Variants in CFAP47 observed in about 807,000 individuals in gnomAD.
The protein encoded by CFAP47 is cilia and flagella associated protein 47, also known as cilia- and flagella-associated protein 47.
A neutral mutation model predicts 148.1 loss-of-function variants in CFAP47; 29 were observed. That is an observed-to-expected ratio of 0.20 (90% confidence interval 0.15 to 0.27). CFAP47 has a LOEUF of 0.27. Among genes scored for constraint, CFAP47 ranks in the 10% least tolerant of loss-of-function variants. The pLI is 1.00. For missense variants in CFAP47, 1,872 were observed against 1,697.5 expected (o/e 1.10, Z -1.81); for synonymous variants, 664 against 577.3 (o/e 1.15, Z -2.15).
chrX:36,166,946 ACCCTTCTGTTAAATT>A (rs745572959), intron 39 of CFAP47, among the ~76,000 whole-genome samples: 2 of 111,447 alleles, frequency 1.8e-5, no homozygotes, highest in South Asian at 7.6e-4. Flanking sequence ...TCCTGACCAC[ACCCTTCTGTTAAATT>A]CCCTGCGTGG....
Position 36,013,083 on chromosome X carries a change from C to T in CFAP47, c.3418-1691C>T, listed in dbSNP as rs987969823. ...CCTGACAGTTTTTATGTGTTTTTCA[C>T]GTTTCTGTGGGGCCATGGACATTTG... On this transcript the variant is annotated intron_variant, in intron 21 of 63. Coordinates refer to ENST00000378653, the MANE Select transcript of CFAP47 (RefSeq NM_001304548.2). 9.0e-5 allele frequency among the ~76,000 whole-genome samples: 10 copies of T among 110,546 alleles called. No individual in the cohort carries two copies. The South Asian group carries it at 1.1e-3, about 13-fold the overall frequency.
chrX:36,253,744 G>T (rs1555998551), intron 49 of CFAP47, among the ~76,000 whole-genome samples: 1 of 111,680 alleles, frequency 9.0e-6, no homozygotes, highest in African/African-American at 3.3e-5. Flanking sequence ...TTGAAATATT[G>T]TAACAACTGA....
Position 36,188,629 on chromosome X carries a change from G to A in CFAP47, c.6114G>A (p.Met2038Ile), listed in dbSNP as rs1223238672. 8 of 295,685 alleles carry A rather than the reference G, an allele frequency of 2.7e-5. No individual in the cohort carries two copies. The highest frequency in any genetic ancestry group is 2.4e-4 in the East Asian group (5 of 20,952). 24.4% of individuals were successfully genotyped at this position (295,685 alleles called of 1,213,427 possible). ...TATTTTCTTGTGTCAGTGATGATAT[G>A]AGTAGCAGTGGGAGTGACACTGATC... ...SRQYPKHDDD[M>I]SSSGSDTDQG... is the part of the protein sequence containing the mutation. The change falls in exon 41 of 64, where the codon ATG becomes ATA. Residue 2038 changes from methionine (M) to isoleucine (I), a missense_variant. Coordinates refer to ENST00000378653, the MANE Select transcript of CFAP47 (RefSeq NM_001304548.2).
chrX:36,317,418 C>A (rs1192766473), intron 56 of CFAP47, among the ~76,000 whole-genome samples: 3 of 103,263 alleles, frequency 2.9e-5, no homozygotes, highest in African/African-American at 1.1e-4. Flanking sequence ...TTTTTTTTTT[C>A]TTTCTTTTTG....
intron 6 of CFAP47, 90 bp from the exon 7 acceptor site, chrX:35,953,502 G>T: frequency 2.9e-6 from 2 of 678,982 alleles, no homozygotes; most frequent in Non-Finnish European, 4.3e-6. Context: ...TGCTTGCATA[G>T]ATTTAAAGAT....
intron 55 of CFAP47, among the ~76,000 whole-genome samples, chrX:36,307,343 C>T (rs1205213007): frequency 9.0e-6 from 1 of 111,314 alleles, no homozygotes; most frequent in Non-Finnish European, 1.9e-5. Flanking sequence ...CCATATCATT[C>T]TAAGAATTAT....
At chrX:36,378,407 G>A (rs782740706) in intron 62 of CFAP47, among the ~76,000 whole-genome samples, 3 of 111,874 alleles carry the variant, frequency 2.7e-5, no homozygotes, top group South Asian at 3.7e-4. Context: ...GAATAGAAAC[G>A]GAAACAAAAG....
chrX:36,287,652 A>T (rs1941148029), intron 51 of CFAP47, among the ~76,000 whole-genome samples: 1 of 111,450 alleles, frequency 9.0e-6, no homozygotes, highest in Non-Finnish European at 1.9e-5. Context: ...AAATGTTCAC[A>T]TTTAACTGTG....
chrX:36,263,505 CT>C (rs1189154900), intron 49 of CFAP47, among the ~76,000 whole-genome samples: 1 of 112,029 alleles, frequency 8.9e-6, no homozygotes, highest in Non-Finnish European at 1.9e-5. Context: ...ATTTGCTTAC[CT>C]TCCCTTTAAG....
chrX:35,923,849 GTGTA>G (rs1158768663), intron 1 of CFAP47, among the ~76,000 whole-genome samples: 1 of 98,975 alleles, frequency 1.0e-5, no homozygotes. Flanking sequence ...ATATATATGT[GTGTA>G]TATATATATG....
At chrX:35,980,165 TCTC>T (rs1229980213) in intron 15 of CFAP47, among the ~76,000 whole-genome samples, 2 of 112,009 alleles carry the variant, frequency 1.8e-5, no homozygotes, top group South Asian at 3.7e-4. Flanking sequence ...GGCCCAGTGT[TCTC>T]CTGTGTTTTT....
At chrX:36,353,971 CTTTG>C (rs1335561452) in intron 60 of CFAP47, among the ~76,000 whole-genome samples, 6 of 111,740 alleles carry the variant, frequency 5.4e-5, no homozygotes, top group African/African-American at 1.9e-4. Context: ...CTTCCCTCAA[CTTTG>C]TTTTTTTCTT....
chrX:36,241,777 G>T (rs1940547652), intron 48 of CFAP47, among the ~76,000 whole-genome samples: 1 of 111,973 alleles, frequency 8.9e-6, no homozygotes, highest in Admixed American at 9.4e-5. Context: ...TCCTTTCTCT[G>T]CAAGGCCAGT....
chrX:35,940,239 G>T (rs1010007136), intron 2 of CFAP47, among the ~76,000 whole-genome samples: 1 of 111,037 alleles, frequency 9.0e-6, no homozygotes, highest in Non-Finnish European at 1.9e-5. Context: ...CTCCCATTTT[G>T]TAGGTTGCCT....
chrX:36,340,443 C>G (rs1199791746), intron 57 of CFAP47, among the ~76,000 whole-genome samples: 3 of 111,735 alleles, frequency 2.7e-5, no homozygotes, highest in Non-Finnish European at 5.6e-5. Context: ...TCTCACAGTT[C>G]TAGAGGCTAC....
At chrX:36,181,740 C>G (rs1215323546) in intron 40 of CFAP47, among the ~76,000 whole-genome samples, 5 of 111,739 alleles carry the variant, frequency 4.5e-5, no homozygotes, top group Non-Finnish European at 7.5e-5. Context: ...TAACTCAGAG[C>G]CATACATTTA....
intron 56 of CFAP47, among the ~76,000 whole-genome samples, chrX:36,311,683 A>T (rs999631490): frequency 9.0e-6 from 1 of 111,218 alleles, no homozygotes; most frequent in Non-Finnish European, 1.9e-5. Context: ...CTTACTCTCC[A>T]GAATGTTTAT....
Position 36,146,783 on chromosome X carries a change from T to C in CFAP47, c.5670+1430T>C, listed in dbSNP as rs767185013. Among the ~76,000 whole-genome samples the C allele has an allele frequency of 2.8e-3, 297 of 105,141 alleles. 1 individual carries two copies. The highest frequency in any genetic ancestry group is 0.011 in the South Asian group (25 of 2,341). The allele number at this position is 105,141 out of a possible 115,157, so 91.3% of individuals were successfully genotyped here. ...ATTGAGAAAGTATTTCTTTTCTTTT[T>C]TTTTTTTTTTTTTTGAGACGGAGTT... is the stretch of plus-strand genomic sequence containing the variant. On this transcript the variant is annotated intron_variant, in intron 36 of 63. Coordinates refer to ENST00000378653, the MANE Select transcript of CFAP47 (RefSeq NM_001304548.2).
intron 45 of CFAP47, among the ~76,000 whole-genome samples, chrX:36,210,578 GTTC>G (rs1940088892): frequency 8.9e-6 from 1 of 112,183 alleles, no homozygotes; most frequent in Non-Finnish European, 1.9e-5. Context: ...AGTTGCAAGT[GTTC>G]TTTCTATATC....
Sources: gnomAD v4.1 joint callset for allele counts (sites outside exome capture counted in the v4.1 genomes callset) on GRCh38, gnomAD v4.1.1 for gene constraint, MANE v1.5 for transcripts, NCBI Gene and HGNC (gene_info 2026-07-23, HGNC 2026-07-21) for gene names.